The following GPC5 variants were observed in gnomAD, a reference collection of about 807,000 sequenced individuals.
The protein encoded by GPC5 is glypican 5.
GPC5 carries 47 observed loss-of-function variants against 53.9 expected under a neutral mutation model. The observed-to-expected ratio is 0.87, with a 90% CI of 0.69 to 1.11. The LOEUF is 1.11. GPC5 is among the 50% of genes most tolerant of loss of function. The pLI is 0.00. For missense variants in GPC5, 748 were observed against 713.1 expected (o/e 1.05, Z -0.56); for synonymous variants, 286 against 263.3 (o/e 1.09, Z -0.84).
At chr13:92,078,969 T>C (rs567484303) in intron 6 of GPC5, among the ~76,000 whole-genome samples, 1 of 152,316 alleles carries the variant, frequency 6.6e-6, no homozygotes, top group Non-Finnish European at 1.5e-5. Flanking sequence ...TGCAGTGTCA[T>C]CCAGTTCCCT....
intron 5 of GPC5, among the ~76,000 whole-genome samples, chr13:91,814,937 A>G (rs1430949970): frequency 6.6e-6 from 1 of 152,228 alleles, no homozygotes; most frequent in Non-Finnish European, 1.5e-5. Flanking sequence ...CAAGAACAGT[A>G]TAGACATAAC....
chr13:91,577,439 C>A (rs1030657404), intron 2 of GPC5, among the ~76,000 whole-genome samples: 1 of 152,164 alleles, frequency 6.6e-6, no homozygotes, highest in Non-Finnish European at 1.5e-5. Context: ...GGAAAGAAGT[C>A]CCCTTGCAGA....
intron 7 of GPC5, among the ~76,000 whole-genome samples, chr13:92,243,912 G>A (rs893492903): frequency 4.6e-5 from 7 of 152,100 alleles, no homozygotes; most frequent in South Asian, 2.1e-4. Context: ...GGGAGGATTC[G>A]AGCAAAGGAA....
chr13:92,325,441 T>C (rs2043244377), intron 7 of GPC5, among the ~76,000 whole-genome samples: 2 of 152,088 alleles, frequency 1.3e-5, no homozygotes, highest in South Asian at 4.1e-4. Flanking sequence ...TGCTGTGTTA[T>C]TCCTGTCATT....
At chr13:92,187,903 C>A (rs1197883989) in intron 7 of GPC5, among the ~76,000 whole-genome samples, 2 of 152,158 alleles carry the variant, frequency 1.3e-5, no homozygotes, top group Non-Finnish European at 2.9e-5. Flanking sequence ...GTTTTCTTTA[C>A]TCCCTTCAAG....
At chr13:92,819,155 C>A (rs1877590096) in intron 7 of GPC5, among the ~76,000 whole-genome samples, 1 of 151,948 alleles carries the variant, frequency 6.6e-6, no homozygotes, top group Non-Finnish European at 1.5e-5. Flanking sequence ...AGTTTCATAT[C>A]CTGTTTACTG....
intron 7 of GPC5, among the ~76,000 whole-genome samples, chr13:92,602,247 T>C (rs1340881817): frequency 9.3e-5 from 13 of 140,210 alleles, no homozygotes; most frequent in East Asian, 4.1e-4. Context: ...TATATATATA[T>C]ATATATATAT....
At chr13:92,198,476 T>C (rs2042272511) in intron 7 of GPC5, among the ~76,000 whole-genome samples, 1 of 152,194 alleles carries the variant, frequency 6.6e-6, no homozygotes, top group Non-Finnish European at 1.5e-5. Context: ...ATTGATGACT[T>C]ATAGTTCAGA....
intron 5 of GPC5, among the ~76,000 whole-genome samples, chr13:91,805,491 C>T (rs2038205919): frequency 6.6e-6 from 1 of 151,952 alleles, no homozygotes; most frequent in African/African-American, 2.4e-5. Flanking sequence ...GTCAAAGGGA[C>T]TTATTCAGTA....
At chr13:92,478,889 C>T (rs533423515) in intron 7 of GPC5, among the ~76,000 whole-genome samples, 175 of 152,150 alleles carry the variant, frequency 1.2e-3, no homozygotes, top group African/African-American at 4.0e-3. Flanking sequence ...ATTTTTTTGT[C>T]CTACGAAAGA....
chr13:92,103,214 G>A (rs1293119946), intron 6 of GPC5, among the ~76,000 whole-genome samples: 1 of 152,070 alleles, frequency 6.6e-6, no homozygotes, highest in Non-Finnish European at 1.5e-5. Context: ...TAGAAACAGT[G>A]AGGAGGTTTG....
At chr13:92,343,942 G>A (rs557289249) in intron 7 of GPC5, among the ~76,000 whole-genome samples, 1 of 152,142 alleles carries the variant, frequency 6.6e-6, no homozygotes, top group African/African-American at 2.4e-5. Flanking sequence ...TGGGACAAAT[G>A]GTGGAAGCCT....
At chr13:92,335,282 T>G (rs2043314417) in intron 7 of GPC5, among the ~76,000 whole-genome samples, 1 of 152,146 alleles carries the variant, frequency 6.6e-6, no homozygotes. Context: ...GCTTGGGGCT[T>G]GAACCATTTG....
intron 2 of GPC5, among the ~76,000 whole-genome samples, chr13:91,607,828 G>A (rs1258802470): frequency 6.6e-6 from 1 of 152,088 alleles, no homozygotes; most frequent in East Asian, 1.9e-4. Flanking sequence ...ATTAAGGCGT[G>A]GACCTTTAAT....
At chr13:91,435,447 A>G (rs147909582) in intron 1 of GPC5, among the ~76,000 whole-genome samples, 1,758 of 152,208 alleles carry the variant, frequency 0.012, 38 homozygotes, top group African/African-American at 0.041. Context: ...AGATAATCAT[A>G]TGGTTTTTGT....
intron 5 of GPC5, among the ~76,000 whole-genome samples, chr13:91,806,736 G>A (rs1216441488): frequency 6.6e-6 from 1 of 152,122 alleles, no homozygotes; most frequent in Non-Finnish European, 1.5e-5. Flanking sequence ...TTTCACTAAA[G>A]AGGAGCTGTG....
At chr13:91,955,712 G>A (rs1313834293) in intron 6 of GPC5, among the ~76,000 whole-genome samples, 1 of 152,202 alleles carries the variant, frequency 6.6e-6, no homozygotes, top group Non-Finnish European at 1.5e-5. Context: ...TCCTCCAGAG[G>A]AGCATAATAG....
rs1017379009 is a variant in GPC5, at chr13:92,699,830, G to A, written c.1562-166452G>A. Among the ~76,000 whole-genome samples the A allele has an allele frequency of 5.3e-5, 8 of 152,270 alleles. No individual in the cohort carries two copies. The South Asian group carries it at 8.3e-4, about 16-fold the overall frequency. ...ATTTCCGTTCTTTTGCATTTGCTGA[G>A]AAGTGTTTTACTTCCAATGATGTGG... On this transcript the variant is annotated intron_variant, in intron 7 of 7. Coordinates refer to ENST00000377067, the MANE Select transcript of GPC5 (RefSeq NM_004466.6).
chr13:91,980,208 C>A (rs181046718), intron 6 of GPC5, among the ~76,000 whole-genome samples: 1 of 152,304 alleles, frequency 6.6e-6, no homozygotes, highest in East Asian at 1.9e-4. Flanking sequence ...TATTGCATAT[C>A]TCCTAGAAAA....
Sources: allele counts gnomAD v4.1 joint callset (sites outside exome capture counted in the v4.1 genomes callset), GRCh38; gene constraint gnomAD v4.1.1; transcripts MANE v1.5; gene names NCBI Gene and HGNC (gene_info 2026-07-23, HGNC 2026-07-21).